Variants in SLC44A5 observed in about 807,000 individuals in gnomAD.
SLC44A5 encodes choline transporter-like protein 5.
Under a neutral mutation model 101.8 loss-of-function variants are expected in SLC44A5, and 57 were observed. That is an observed-to-expected ratio of 0.56 (90% confidence interval 0.45 to 0.70). The LOEUF is 0.70. Ranked by LOEUF, SLC44A5 falls within the 30% of genes least tolerant of loss-of-function variation. The pLI is 0.00. For synonymous variants in SLC44A5, 281 were observed against 290.9 expected (o/e 0.97, Z 0.35); for missense variants, 737 against 853.1 (o/e 0.86, Z 1.70).
At chr1:75,403,504 G>A (rs1220201036) in intron 2 of SLC44A5, among the ~76,000 whole-genome samples, 1 of 152,168 alleles carries the variant, frequency 6.6e-6, no homozygotes, top group Non-Finnish European at 1.5e-5. Context: ...GGAAGAAACA[G>A]GCAGCAATCT....
intron 6 of SLC44A5, among the ~76,000 whole-genome samples, chr1:75,272,611 TG>T (rs1651579242): frequency 6.6e-6 from 1 of 152,028 alleles, no homozygotes; most frequent in Non-Finnish European, 1.5e-5. Context: ...ACATGTGGCT[TG>T]CCAGTTTTCC....
the SLC44A5 span, among the ~76,000 whole-genome samples, chr1:75,667,233 T>C: frequency 6.6e-6 from 1 of 152,026 alleles, no homozygotes; most frequent in Admixed American, 6.6e-5. Flanking sequence ...TTCAGCAAAG[T>C]CTCAAGATAC....
intron 3 of SLC44A5, among the ~76,000 whole-genome samples, chr1:75,395,560 T>C (rs1204197087): frequency 1.3e-5 from 2 of 152,140 alleles, no homozygotes; most frequent in Non-Finnish European, 2.9e-5. Flanking sequence ...AACAGCAGCA[T>C]CTAAGTAGGT....
At chr1:75,463,352 G>A (rs1314694495) in intron 2 of SLC44A5, among the ~76,000 whole-genome samples, 63 of 150,144 alleles carry the variant, frequency 4.2e-4, no homozygotes, top group Non-Finnish European at 5.8e-4. Flanking sequence ...CCTGGGAGGC[G>A]GAGCTTGCAG....
At chr1:75,686,738 C>T in the SLC44A5 span, among the ~76,000 whole-genome samples, 1 of 152,196 alleles carries the variant, frequency 6.6e-6, no homozygotes, top group Non-Finnish European at 1.5e-5. Context: ...GCTATTACAA[C>T]ACATCCCTAC....
At chr1:75,551,488 T>C (rs1044129458) in intron 1 of SLC44A5, among the ~76,000 whole-genome samples, 3 of 152,162 alleles carry the variant, frequency 2.0e-5, no homozygotes, top group African/African-American at 7.2e-5. Context: ...GATTAAAATG[T>C]GCTGACAAGC....
intron 1 of SLC44A5, among the ~76,000 whole-genome samples, chr1:75,610,146 C>CACAT (rs1239967027): frequency 7.5e-6 from 1 of 132,980 alleles, no homozygotes; most frequent in African/African-American, 2.8e-5. Context: ...TACACACACA[C>CACAT]ACACACACAC....
chr1:75,483,867 C>G (rs1668008673), intron 2 of SLC44A5, among the ~76,000 whole-genome samples: 1 of 152,066 alleles, frequency 6.6e-6, no homozygotes, highest in Non-Finnish European at 1.5e-5. Context: ...GAAGGGGAAG[C>G]AAGGCACATC....
intron 2 of SLC44A5, among the ~76,000 whole-genome samples, chr1:75,429,208 G>T (rs897312513): frequency 2.0e-5 from 3 of 152,152 alleles, no homozygotes; most frequent in African/African-American, 7.2e-5. Flanking sequence ...TTTGTGTTAG[G>T]AGAGATCAGG....
chr1:75,377,187 C>T (rs1481694666), intron 3 of SLC44A5, among the ~76,000 whole-genome samples: 16 of 148,042 alleles, frequency 1.1e-4, no homozygotes, highest in African/African-American at 3.8e-4. Flanking sequence ...AATTCTTCTG[C>T]CTTGAGATTC....
At chr1:75,521,205 G>A (rs1466335141) in intron 2 of SLC44A5, among the ~76,000 whole-genome samples, 1 of 152,060 alleles carries the variant, frequency 6.6e-6, no homozygotes, top group Non-Finnish European at 1.5e-5. Flanking sequence ...GAAGTTGAGG[G>A]AAGTCAACCA....
rs12031093 is a variant in SLC44A5 at position 75,512,571 on chromosome 1, T to C, written c.13+28864A>G. Among the ~76,000 whole-genome samples, 20 of 152,328 alleles carry C rather than the reference T, an allele frequency of 1.3e-4. No individual in the cohort carries two copies. The East Asian group carries it at 3.9e-3, about 29-fold the overall frequency. ...CAGACACAGTGTATTGATGTTAAAG[T>C]ATGTGAGCAAAACAAACAAGTTCCT... On this transcript the variant is annotated intron_variant, in intron 2 of 23. Coordinates refer to ENST00000370859, the MANE Select transcript of SLC44A5 (RefSeq NM_001130058.2).
the SLC44A5 span, among the ~76,000 whole-genome samples, chr1:75,684,228 C>A: frequency 6.6e-6 from 1 of 152,134 alleles, no homozygotes; most frequent in African/African-American, 2.4e-5. Flanking sequence ...CTGGCCCCAC[C>A]CTTGACACAT....
rs117250080 is a variant in SLC44A5, at chr1:75,563,602, G to A, written c.-69-22086C>T. 1.9e-4 allele frequency among the ~76,000 whole-genome samples: 29 copies of A among 152,076 alleles called. No individual in the cohort carries two copies. In the East Asian group the frequency reaches 4.4e-3, roughly 23 times the overall value. Reference sequence around the variant, plus strand: ...TACCTTAAAATAAATTATACAGATAGCTAAACAAATAATTTAGAACATGGT... The same window carrying A: ...TACCTTAAAATAAATTATACAGATAACTAAACAAATAATTTAGAACATGGT... On this transcript the variant is annotated intron_variant, in intron 1 of 23. Coordinates refer to ENST00000370859, the MANE Select transcript of SLC44A5 (RefSeq NM_001130058.2).
At chr1:75,707,299 TG>T in the SLC44A5 span, among the ~76,000 whole-genome samples, 220 of 152,334 alleles carry the variant, frequency 1.4e-3, no homozygotes, top group African/African-American at 4.6e-3. Context: ...CTCAAGAAGC[TG>T]GAGCTGCTTG....
At chr1:75,300,485 T>G (rs1205052598) in intron 5 of SLC44A5, 127 bp downstream of exon 5, 1 of 520,662 alleles carries the variant, frequency 1.9e-6, no homozygotes. Context: ...GCACATTTCC[T>G]CCAGGAAAGA....
the SLC44A5 span, among the ~76,000 whole-genome samples, chr1:75,648,513 G>T: frequency 6.6e-6 from 1 of 152,074 alleles, no homozygotes; most frequent in African/African-American, 2.4e-5. Context: ...CTTCCCTTCA[G>T]GTATAGGGCA....
At chr1:75,279,659 T>C (rs1652228144) in intron 5 of SLC44A5, among the ~76,000 whole-genome samples, 1 of 152,210 alleles carries the variant, frequency 6.6e-6, no homozygotes, top group South Asian at 2.1e-4. Context: ...ATAGCTTTTT[T>C]ACCCTTTGGC....
chr1:75,444,461 GAAAA>G (rs1426715454), intron 2 of SLC44A5, among the ~76,000 whole-genome samples: 6 of 121,122 alleles, frequency 5.0e-5, no homozygotes, highest in Non-Finnish European at 1.1e-4. Context: ...GAAAGAAAAA[GAAAA>G]AAAGAAAGAG....
Sources: allele counts gnomAD v4.1 joint callset (sites outside exome capture counted in the v4.1 genomes callset), GRCh38; gene constraint gnomAD v4.1.1; transcripts MANE v1.5; gene names NCBI Gene and HGNC (gene_info 2026-07-23, HGNC 2026-07-21).